NUP88: variants seen among roughly 807,000 people sequenced by gnomAD.
The protein encoded by NUP88 is nucleoporin 88.
A neutral mutation model predicts 93.9 loss-of-function variants in NUP88; 57 were observed. That is an observed-to-expected ratio of 0.61 (90% confidence interval 0.49 to 0.76). The LOEUF (loss-of-function observed/expected upper bound fraction) is 0.76. Ranked by LOEUF, NUP88 falls within the 30% of genes least tolerant of loss-of-function variation. The pLI is 0.00. For missense variants in NUP88, 911 were observed against 901.0 expected (o/e 1.01, Z -0.14); for synonymous variants, 346 against 336.8 (o/e 1.03, Z -0.30).
chr17:5,388,746 A>G, intron 11 of NUP88, 56 bp downstream of exon 11: 4 of 1,482,184 alleles, frequency 2.7e-6, no homozygotes, highest in Non-Finnish European at 3.7e-6. Flanking sequence ...ATGCACAGTA[A>G]TTCTGAAGAC....
chr17:5,398,837 C>T (rs1354195862), intron 8 of NUP88, among the ~76,000 whole-genome samples: 3 of 148,960 alleles, frequency 2.0e-5, no homozygotes, highest in African/African-American at 5.0e-5. Context: ...ATGATCCGCC[C>T]GCCTTGGCCT....
At chr17:5,390,159 G>T (rs1912319915) in intron 10 of NUP88, among the ~76,000 whole-genome samples, 1 of 108,560 alleles carries the variant, frequency 9.2e-6, no homozygotes, top group East Asian at 5.6e-4. Context: ...AGCAAACTCC[G>T]TCTCAAAAAA....
At chr17:5,399,306 C>T (rs778527178) in intron 8 of NUP88, among the ~76,000 whole-genome samples, 1 of 143,782 alleles carries the variant, frequency 7.0e-6, no homozygotes, top group African/African-American at 2.6e-5. Flanking sequence ...AAATGGCATA[C>T]ATTTGTTCAT....
intron 5 of NUP88, among the ~76,000 whole-genome samples, chr17:5,408,362 ATTTT>A: frequency 6.6e-6 from 1 of 152,202 alleles, no homozygotes; most frequent in South Asian, 2.1e-4. Flanking sequence ...TATGGATAGT[ATTTT>A]TTCATGTGTA....
intron 8 of NUP88, among the ~76,000 whole-genome samples, chr17:5,395,517 T>A (rs1389924980): frequency 1.3e-5 from 2 of 149,508 alleles, no homozygotes; most frequent in African/African-American, 2.5e-5. Flanking sequence ...AGAGTAGGGA[T>A]ACTCAATTTA....
At chr17:5,416,389 T>C (rs1914152074) in intron 2 of NUP88, 124 bp downstream of exon 2, 1 of 611,538 alleles carries the variant, frequency 1.6e-6, no homozygotes, top group Non-Finnish European at 2.7e-6. Context: ...GAAGCCAGTC[T>C]GCAGACCACG....
At chr17:5,410,578 C>CT in intron 4 of NUP88, 125 bp downstream of exon 4, 1 of 646,186 alleles carries the variant, frequency 1.5e-6, no homozygotes, top group Non-Finnish European at 2.8e-6. Flanking sequence ...TAAAAATACA[C>CT]TTACTTCTCA....
At chr17:5,389,717 A>G (rs933232017) in intron 10 of NUP88, among the ~76,000 whole-genome samples, 8 of 146,958 alleles carry the variant, frequency 5.4e-5, no homozygotes, top group African/African-American at 1.3e-4. Context: ...CGGAGGTTGC[A>G]GTGAGCTGAG....
At chr17:5,404,976 CTCATA>C (rs1913408366) in intron 6 of NUP88, 76 bp downstream of exon 6, 2 of 1,175,930 alleles carry the variant, frequency 1.7e-6, no homozygotes, top group South Asian at 1.7e-5. Context: ...AAAATTCCTT[CTCATA>C]TATTAAGCAT....
chr17:5,418,786 C>T (rs1806267), intron 1 of NUP88, among the ~76,000 whole-genome samples: 62,778 of 152,034 alleles, frequency 0.41, 13,840 homozygotes, highest in East Asian at 0.84. Context: ...CAATATTTGA[C>T]CACGGCAAGT....
intron 8 of NUP88, among the ~76,000 whole-genome samples, chr17:5,398,296 T>C (rs1912912019): frequency 6.7e-6 from 1 of 148,988 alleles, no homozygotes; most frequent in Admixed American, 6.7e-5. Context: ...TCAGTTTTTG[T>C]TTGTTTGTTT....
At chr17:5,409,374 C>CAAAA (rs10611297) in intron 4 of NUP88, among the ~76,000 whole-genome samples, 1 of 99,816 alleles carries the variant, frequency 1.0e-5, no homozygotes. Context: ...AACTCCGTCT[C>CAAAA]AAAAAAAAAA....
rs765258996 is a variant in NUP88 at position 5,387,795 on chromosome 17, C to T, written c.1753G>A (p.Glu585Lys). The change falls in exon 12 of 17, where the codon GAG (glutamate) becomes AAG (lysine). Residue 585 changes from glutamate to lysine, a missense_variant. By Grantham distance (56) the Glu-to-Lys change is moderately conservative (BLOSUM62 1). Coordinates refer to ENST00000573584, the MANE Select transcript of NUP88 (RefSeq NM_002532.6). ...QYILKQDLAKEEIQRRVKLLC... is the reference protein window; with the variant it reads ...QYILKQDLAKKEIQRRVKLLC... ...ACATCATACCTCCGCTGAATCTCCTCCTTTGCCAAGTCCTGTTTGAGAATG... is the reference window on the plus strand; with the variant it reads ...ACATCATACCTCCGCTGAATCTCCTTCTTTGCCAAGTCCTGTTTGAGAATG... The T allele has an allele frequency of 6.2e-7, 1 of 1,612,482 alleles. No homozygotes were observed. Among genetic ancestry groups the T allele is most frequent in the South Asian group, 1.1e-5 (1 of 90,710 alleles).
At position 5,410,770 on chromosome 17, in the gene NUP88, G is replaced by A. The variant is rs772276453; in HGVS notation, c.613C>T (p.Pro205Ser). The stretch of plus-strand genomic sequence containing the variant: ...ATTATCACGTTAGTGGGTGTCTGCG[G>A]CTCACGTAGTGAGTAAATTCTAGCA... ...NVIRIYSLRE[P>S]QTPTNVIILS... Residue 205 changes from proline to serine, a missense_variant, in exon 4 of 17, where the codon CCG (proline) becomes TCG (serine). Pro to Ser is a moderately conservative substitution (Grantham distance 74). Transcript: ENST00000573584. 1.2e-6 allele frequency: 2 copies of A among 1,610,714 alleles called. No homozygotes were observed. Among genetic ancestry groups the A allele is most frequent in the South Asian group, 1.1e-5 (1 of 90,548 alleles).
At chr17:5,395,241 C>T (rs1324745616) in intron 8 of NUP88, among the ~76,000 whole-genome samples, 1 of 152,158 alleles carries the variant, frequency 6.6e-6, no homozygotes, top group Non-Finnish European at 1.5e-5. Context: ...TAGGGTGCTG[C>T]TTACCCACAC....
At position 5,408,851 on chromosome 17, in the gene NUP88, C is replaced by T; in HGVS notation, c.739G>A (p.Ala247Thr). 3 of 1,613,950 alleles carry T rather than the reference C, an allele frequency of 1.9e-6. No homozygotes were observed. The highest frequency in any genetic ancestry group is 2.5e-6 in the Non-Finnish European group (3 of 1,179,932). Residue 247 changes from alanine to threonine, a missense_variant, in exon 5 of 17, where the codon GCA becomes ACA. By Grantham distance (58) the Ala-to-Thr change is moderately conservative. Transcript: ENST00000573584. ...CCAAATAGAGTCTTTGGGACTGCTGCCAATGGCCCAAAGTCAAATGCAACT... is the reference window on the plus strand; with the variant it reads ...CCAAATAGAGTCTTTGGGACTGCTGTCAATGGCCCAAAGTCAAATGCAACT... Reference protein sequence around the residue: ...TAVAFDFGPLAAVPKTLFGQN... With the variant: ...TAVAFDFGPLTAVPKTLFGQN...
In NUP88 at chr17:5,416,581, T is replaced by C; in HGVS notation, c.399A>G (p.Val133=). The C allele has an allele frequency of 1.2e-6, 2 of 1,612,238 alleles. No individual in the cohort carries two copies. Among genetic ancestry groups the C allele is most frequent in the Non-Finnish European group, 8.5e-7 (1 of 1,179,204 alleles). The change falls in exon 2 of 17, where the codon GTA becomes GTG. Residue 133 remains valine, a synonymous_variant. Coordinates refer to ENST00000573584, the MANE Select transcript of NUP88 (RefSeq NM_002532.6). ...TCCCCCATCTTTTAGGTAATTCTAA[T>C]ACCATAAGTCCTTTTATTCCTATAA... ...VALIGIKGLM[V]LELPKRWGKN...
At chr17:5,405,835 C>T (rs1473368333) in intron 5 of NUP88, among the ~76,000 whole-genome samples, 1 of 152,186 alleles carries the variant, frequency 6.6e-6, no homozygotes, top group East Asian at 1.9e-4. Context: ...TTTCTAACGT[C>T]CTTTTCTAAT....
chr17:5,396,330 A>G (rs1912773865), intron 8 of NUP88, among the ~76,000 whole-genome samples: 1 of 152,242 alleles, frequency 6.6e-6, no homozygotes, highest in African/African-American at 2.4e-5. Flanking sequence ...GACCTAGGCA[A>G]CTAATCTACT....
Sources: allele counts gnomAD v4.1 joint callset (sites outside exome capture counted in the v4.1 genomes callset), GRCh38; gene constraint gnomAD v4.1.1; transcripts MANE v1.5; gene names NCBI Gene and HGNC (gene_info 2026-07-23, HGNC 2026-07-21).